LRRC4C: variants seen among roughly 807,000 people sequenced by gnomAD.
LRRC4C encodes leucine rich repeat containing 4C.
In LRRC4C, 5 loss-of-function variants were observed where a neutral mutation model predicts 33.6. The ratio of observed to expected loss-of-function variants is 0.15; its 90% CI spans 0.08 to 0.31. The LOEUF (loss-of-function observed/expected upper bound fraction) is 0.31. Ranked by LOEUF, LRRC4C falls within the 10% of genes least tolerant of loss-of-function variation. The pLI, the probability that LRRC4C is intolerant of heterozygous loss-of-function variation, is 1.00. For synonymous variants in LRRC4C, 329 were observed against 302.0 expected, an observed-to-expected ratio of 1.09 and a Z score of -0.93; for missense variants, 560 against 796.7, an observed-to-expected ratio of 0.70 and a Z score of 3.58.
intron 5 of LRRC4C, among the ~76,000 whole-genome samples, chr11:40,147,529 A>G (rs938801647): frequency 1.4e-4 from 21 of 152,008 alleles, no homozygotes; most frequent in Admixed American, 7.9e-4. Flanking sequence ...TTCAACATTA[A>G]TTAATATCTT....
chr11:40,817,430 G>C (rs1951751875), intron 2 of LRRC4C, among the ~76,000 whole-genome samples: 1 of 152,172 alleles, frequency 6.6e-6, no homozygotes, highest in Admixed American at 6.6e-5. Context: ...GAAGGACCCT[G>C]ATAGATATGA....
chr11:41,213,707 G>A (rs76607217), intron 1 of LRRC4C, among the ~76,000 whole-genome samples: 3,648 of 152,254 alleles, frequency 0.024, 156 homozygotes, highest in African/African-American at 0.082. Context: ...ATAAAGTGCA[G>A]GGTAAATATG....
At chr11:41,220,335 G>A (rs569019342) in intron 1 of LRRC4C, among the ~76,000 whole-genome samples, 1 of 152,208 alleles carries the variant, frequency 6.6e-6, no homozygotes, top group African/African-American at 2.4e-5. Context: ...CAACTAGTAA[G>A]GAAGGGCTCA....
At chr11:40,766,353 T>TAAAAAAAAAAAAAAAAAAAAAA (rs60152534) in intron 2 of LRRC4C, among the ~76,000 whole-genome samples, 2 of 33,902 alleles carry the variant, frequency 5.9e-5, no homozygotes, top group African/African-American at 2.1e-4. Flanking sequence ...TTCAGTCTGT[T>TAAAAAAAAAAAAAAAAAAAAAA]AAAAAAAAAA....
At chr11:41,008,994 C>T (rs2137497146) in intron 1 of LRRC4C, among the ~76,000 whole-genome samples, 1 of 151,800 alleles carries the variant, frequency 6.6e-6, no homozygotes, top group East Asian at 1.9e-4. Flanking sequence ...GGGAAAATCT[C>T]AACAGAAAGT....
At chr11:41,293,055 C>G (rs180837033) in intron 1 of LRRC4C, among the ~76,000 whole-genome samples, 1 of 152,152 alleles carries the variant, frequency 6.6e-6, no homozygotes, top group East Asian at 1.9e-4. Flanking sequence ...ATTTTTAAAA[C>G]AAGCAGCCAG....
intron 2 of LRRC4C, among the ~76,000 whole-genome samples, chr11:40,889,091 C>G (rs138943679): frequency 6.6e-6 from 1 of 151,942 alleles, no homozygotes; most frequent in African/African-American, 2.4e-5. Context: ...GGAACTCATG[C>G]TAATAAAATA....
At chr11:40,184,763 T>C (rs922121563) in intron 5 of LRRC4C, among the ~76,000 whole-genome samples, 1 of 152,208 alleles carries the variant, frequency 6.6e-6, no homozygotes, top group Non-Finnish European at 1.5e-5. Context: ...ACTGCATCTC[T>C]GGAGGGAGGG....
intron 5 of LRRC4C, among the ~76,000 whole-genome samples, chr11:40,163,379 T>C (rs1859325094): frequency 2.0e-5 from 3 of 152,186 alleles, no homozygotes; most frequent in Admixed American, 2.0e-4. Context: ...TCCTTCAATG[T>C]CTGAATGACA....
chr11:41,098,399 T>C (rs1226920262), intron 1 of LRRC4C, among the ~76,000 whole-genome samples: 1 of 152,202 alleles, frequency 6.6e-6, no homozygotes, highest in Non-Finnish European at 1.5e-5. Context: ...GTCTCTTTTA[T>C]GTACAAAAGA....
chr11:41,106,219 C>T (rs1278258262), intron 1 of LRRC4C, among the ~76,000 whole-genome samples: 1 of 151,648 alleles, frequency 6.6e-6, no homozygotes, highest in Non-Finnish European at 1.5e-5. Flanking sequence ...TATATTCTTT[C>T]CATGACTTGT....
rs79315277 is a variant in LRRC4C at position 40,386,471 on chromosome 11, T to C, written c.-269-66750A>G. 3.9e-5 allele frequency among the ~76,000 whole-genome samples: 6 copies of C among 152,322 alleles called. No individual in the cohort carries two copies. In the East Asian group the frequency reaches 1.2e-3, roughly 29 times the overall value. On this transcript the variant is annotated intron_variant, in intron 3 of 6. Transcript: ENST00000528697. ...GAATGTCCACCTTATATGAGTATTG[T>C]AAAGATTAAATGAGATAGCTATATA...
At chr11:41,067,624 C>G (rs781214056) in intron 1 of LRRC4C, among the ~76,000 whole-genome samples, 51 of 152,284 alleles carry the variant, frequency 3.3e-4, no homozygotes, top group Middle Eastern at 6.8e-3. Context: ...CTTTTCAGTG[C>G]CGCATGGCAC....
rs935804735 is a variant in LRRC4C, at chr11:40,587,016, T to C, written c.-270+61126A>G. On this transcript the variant is annotated intron_variant, in intron 3 of 6. Coordinates refer to ENST00000528697, the MANE Select transcript of LRRC4C (RefSeq NM_001258419.2). ...GTTTTTTCCAATTCTGTGAAGAAATTCATTGGTAGCTTGATGGGGATGGCA... is the reference window on the plus strand; with the variant it reads ...GTTTTTTCCAATTCTGTGAAGAAATCCATTGGTAGCTTGATGGGGATGGCA... Among the ~76,000 whole-genome samples the C allele has an allele frequency of 6.1e-4, 92 of 152,064 alleles. 1 individual carries two copies. The highest frequency in any genetic ancestry group is 2.2e-3 in the African/African-American group (90 of 41,504).
At chr11:40,721,574 T>A (rs747119208) in intron 2 of LRRC4C, among the ~76,000 whole-genome samples, 1 of 152,212 alleles carries the variant, frequency 6.6e-6, no homozygotes, top group Non-Finnish European at 1.5e-5. Flanking sequence ...TGTGGACACA[T>A]AGGAAGCCTG....
intron 2 of LRRC4C, among the ~76,000 whole-genome samples, chr11:40,854,827 T>A (rs1299200018): frequency 6.6e-6 from 1 of 151,914 alleles, no homozygotes; most frequent in South Asian, 2.1e-4. Flanking sequence ...TATTATCTTG[T>A]GTTTTTCAGT....
chr11:41,320,944 C>A (rs1166266105), intron 1 of LRRC4C, among the ~76,000 whole-genome samples: 1 of 152,186 alleles, frequency 6.6e-6, no homozygotes, highest in African/African-American at 2.4e-5. Flanking sequence ...CTCCAAGAGG[C>A]TGCTCACAGT....
At chr11:40,232,294 C>T (rs1257181298) in intron 5 of LRRC4C, among the ~76,000 whole-genome samples, 1 of 152,164 alleles carries the variant, frequency 6.6e-6, no homozygotes, top group Non-Finnish European at 1.5e-5. Flanking sequence ...GCATGAGCCA[C>T]CATGCCTGGC....
Position 41,166,029 on chromosome 11 carries a change from C to CAA in LRRC4C, c.-495-232308_-495-232307dup, listed in dbSNP as rs35393339. ...CTCGGCAACAAGAGCGAAATTCTGT[C>CAA]AAAAAAAAAAAAAAAGTCCCCAAAT... On this transcript the variant is annotated intron_variant, in intron 1 of 6. Coordinates refer to ENST00000528697, the MANE Select transcript of LRRC4C (RefSeq NM_001258419.2). Among the ~76,000 whole-genome samples, 845 of 122,136 alleles carry CAA rather than the reference C, an allele frequency of 6.9e-3. 13 individuals are homozygous for CAA. Among genetic ancestry groups the CAA allele is most frequent in the African/African-American group, 0.024 (799 of 32,734 alleles). The allele number at this position is 122,136 out of a possible 152,430, so 80.1% of individuals were successfully genotyped here.
Sources: allele counts gnomAD v4.1 joint callset (sites outside exome capture counted in the v4.1 genomes callset), GRCh38; gene constraint gnomAD v4.1.1; transcripts MANE v1.5; gene names NCBI Gene and HGNC (gene_info 2026-07-23, HGNC 2026-07-21).